DKK2: variants seen among roughly 807,000 people sequenced by gnomAD.
The protein encoded by DKK2 is dickkopf-related protein 2.
Under a neutral mutation model 28.1 loss-of-function variants are expected in DKK2, and 11 were observed. The observed-to-expected ratio is 0.39, with a 90% confidence interval of 0.25 to 0.65. The LOEUF (loss-of-function observed/expected upper bound fraction) is 0.65. DKK2 is among the 30% of genes least tolerant of loss of function. The pLI is 0.47. For missense variants in DKK2, 326 were observed against 335.5 expected, an observed-to-expected ratio of 0.97 and a Z score of 0.22; for synonymous variants, 135 against 126.5, an observed-to-expected ratio of 1.07 and a Z score of -0.45.
intron 1 of DKK2, among the ~76,000 whole-genome samples, chr4:106,980,488 G>T (rs1330786000): frequency 6.6e-6 from 1 of 152,098 alleles, no homozygotes; most frequent in East Asian, 1.9e-4. Context: ...GCCAATGGAA[G>T]ATATGTAATT....
chr4:107,035,229 C>G, intron 1 of DKK2, 141 bp downstream of exon 1: 1 of 974,816 alleles, frequency 1.0e-6, no homozygotes, highest in Non-Finnish European at 1.5e-6. Context: ...AGACCCTGTT[C>G]GGTGAATCCC....
In DKK2 at chr4:106,922,349, C is replaced by T. The variant is rs942862328; in HGVS notation, c.*1605G>A. On this transcript the variant is annotated 3_prime_UTR_variant, in exon 4 of 4. Transcript: ENST00000285311. ...GTTTAAAGTCACGACTATAAGATAA[C>T]CTTTTATTGTTTTGTGCTCCAGACA... 1 of 151,980 alleles carries T rather than the reference C, an allele frequency of 6.6e-6. No homozygotes were observed. The highest frequency in any genetic ancestry group is 2.1e-4 in the South Asian group (1 of 4,824). The allele number at this position is 151,980 out of a possible 1,614,324, so 9.4% of individuals were successfully genotyped here. A position where few individuals can be genotyped will look rare whatever the true frequency, so the allele number is the denominator to read the frequency against.
chr4:107,015,612 C>T (rs1723585955), intron 1 of DKK2, among the ~76,000 whole-genome samples: 1 of 151,662 alleles, frequency 6.6e-6, no homozygotes, highest in Non-Finnish European at 1.5e-5. Flanking sequence ...TATGTAGTAA[C>T]ATAGTGTTCA....
intron 1 of DKK2, among the ~76,000 whole-genome samples, chr4:106,992,652 T>C (rs1317163969): frequency 6.6e-6 from 1 of 152,206 alleles, no homozygotes; most frequent in Non-Finnish European, 1.5e-5. Context: ...GTTAAAGCAA[T>C]AATACAGTAG....
Position 106,933,413 on chromosome 4 carries a change from G to A in DKK2, c.223-7464C>T, listed in dbSNP as rs557476253. Among the ~76,000 whole-genome samples, 3 of 152,298 alleles carry A rather than the reference G, an allele frequency of 2.0e-5. No homozygotes were observed. The South Asian group carries it at 6.2e-4, about 32-fold the overall frequency. On this transcript the variant is annotated intron_variant, in intron 1 of 3. Coordinates refer to ENST00000285311, the MANE Select transcript of DKK2 (RefSeq NM_014421.3). ...TCTTCACTCCTAGTGCTTAGCCACT[G>A]TGCTTGGTGGTGGTGGTGTTGAGAA...
rs1723947494 is a variant in DKK2 at position 107,035,396 on chromosome 4, T to C, written c.196A>G (p.Ser66Gly). 6.2e-7 allele frequency: 1 copy of C among 1,614,096 alleles called. No homozygotes were observed. The highest frequency in any genetic ancestry group is 1.7e-5 in the Admixed American group (1 of 60,004). Reference sequence around the variant, plus strand: ...TGCCCCAGGTTTTTGCCCTTCTTACTGCCGCCGAATGCCAGTCCTTGGTAC... The same window carrying C: ...TGCCCCAGGTTTTTGCCCTTCTTACCGCCGCCGAATGCCAGTCCTTGGTAC... ...GMYQGLAFGG[S>G]KKGKNLGQAY... The change falls in exon 1 of 4, where the codon AGT becomes GGT. Residue 66 changes from serine to glycine, a missense_variant. Physicochemically the swap from Ser to Gly is moderately conservative, Grantham distance 56. Transcript: ENST00000285311.
At chr4:106,986,032 T>C (rs967860486) in intron 1 of DKK2, among the ~76,000 whole-genome samples, 4 of 152,130 alleles carry the variant, frequency 2.6e-5, no homozygotes, top group African/African-American at 4.8e-5. Flanking sequence ...TAATGGTGAC[T>C]CAGAAGTGCT....
chr4:107,030,135 T>C (rs1302176416), intron 1 of DKK2, among the ~76,000 whole-genome samples: 2 of 152,076 alleles, frequency 1.3e-5, no homozygotes, highest in South Asian at 2.1e-4. Flanking sequence ...ATTGCAATCT[T>C]TCTGCTTTAA....
intron 1 of DKK2, among the ~76,000 whole-genome samples, chr4:106,972,938 G>T (rs1380009179): frequency 6.6e-6 from 1 of 151,998 alleles, no homozygotes; most frequent in African/African-American, 2.4e-5. Flanking sequence ...CCTTCTCTGG[G>T]TCCATGTGTT....
intron 1 of DKK2, among the ~76,000 whole-genome samples, chr4:106,998,873 A>T (rs536569379): frequency 6.6e-6 from 1 of 152,342 alleles, no homozygotes; most frequent in South Asian, 2.1e-4. Flanking sequence ...TTATGTTGTA[A>T]GTATGTGATT....
At chr4:107,007,140 T>A (rs1444774820) in intron 1 of DKK2, among the ~76,000 whole-genome samples, 1 of 152,152 alleles carries the variant, frequency 6.6e-6, no homozygotes, top group East Asian at 1.9e-4. Flanking sequence ...TTTAGTGATT[T>A]TTTTCCTCCA....
At chr4:106,959,129 C>T (rs973074181) in intron 1 of DKK2, among the ~76,000 whole-genome samples, 1 of 151,938 alleles carries the variant, frequency 6.6e-6, no homozygotes, top group African/African-American at 2.4e-5. Context: ...AATACATGCT[C>T]AATTACTGTA....
At chr4:107,032,956 A>G (rs1222815344) in intron 1 of DKK2, among the ~76,000 whole-genome samples, 1 of 150,944 alleles carries the variant, frequency 6.6e-6, no homozygotes, top group Non-Finnish European at 1.5e-5. Context: ...AATACTAAGA[A>G]TGTTGGTGAC....
At chr4:106,972,038 C>G (rs978578567) in intron 1 of DKK2, among the ~76,000 whole-genome samples, 1 of 152,036 alleles carries the variant, frequency 6.6e-6, no homozygotes, top group Non-Finnish European at 1.5e-5. Context: ...GCTAATATGT[C>G]CAAATAAATA....
At chr4:106,958,556 G>T (rs1049195673) in intron 1 of DKK2, among the ~76,000 whole-genome samples, 10 of 151,906 alleles carry the variant, frequency 6.6e-5, no homozygotes, top group Non-Finnish European at 1.2e-4. Context: ...CCAAAGTGCT[G>T]GGATTACGAT....
intron 1 of DKK2, among the ~76,000 whole-genome samples, chr4:107,032,113 A>T (rs1560596092): frequency 6.6e-6 from 1 of 152,038 alleles, no homozygotes; most frequent in Non-Finnish European, 1.5e-5. Context: ...ACATACATGC[A>T]GTACTTATTA....
chr4:106,990,782 A>C (rs1441468570), intron 1 of DKK2, among the ~76,000 whole-genome samples: 2 of 152,020 alleles, frequency 1.3e-5, no homozygotes, highest in Non-Finnish European at 2.9e-5. Context: ...CTCCTATGGC[A>C]CTGAATGCAT....
intron 1 of DKK2, among the ~76,000 whole-genome samples, chr4:106,960,611 C>T (rs1722672721): frequency 6.6e-6 from 1 of 152,096 alleles, no homozygotes; most frequent in African/African-American, 2.4e-5. Flanking sequence ...ATTTTGTCAA[C>T]AATAATTTAT....
chr4:106,970,682 C>A (rs1177105988), intron 1 of DKK2, among the ~76,000 whole-genome samples: 1 of 151,974 alleles, frequency 6.6e-6, no homozygotes, highest in African/African-American at 2.4e-5. Context: ...CTATATTGTA[C>A]AAGGCCTACT....
Sources: allele counts gnomAD v4.1 joint callset (sites outside exome capture counted in the v4.1 genomes callset), GRCh38; gene constraint gnomAD v4.1.1; transcripts MANE v1.5; gene names NCBI Gene and HGNC (gene_info 2026-07-23, HGNC 2026-07-21).